Variants in DPP6 observed in about 807,000 individuals in gnomAD.
DPP6 encodes dipeptidyl peptidase like 6, also known as A-type potassium channel modulatory protein DPP6.
DPP6 carries 69 observed loss-of-function variants against 122.6 expected under a neutral mutation model. The observed-to-expected ratio is 0.56, with a 90% CI of 0.46 to 0.69. The LOEUF (loss-of-function observed/expected upper bound fraction) is 0.69. Among genes scored for constraint, DPP6 ranks in the 30% least tolerant of loss-of-function variants. The probability of loss-of-function intolerance (pLI) is 0.00; values close to 1 mark genes in which losing one functional copy is unlikely to be tolerated. For missense variants in DPP6, 928 were observed against 1,116.9 expected (o/e 0.83, Z 2.41); for synonymous variants, 418 against 433.1 (o/e 0.97, Z 0.43).
intron 1 of DPP6, among the ~76,000 whole-genome samples, chr7:154,022,534 GC>G (rs1238111441): frequency 2.0e-5 from 3 of 152,232 alleles, no homozygotes; most frequent in African/African-American, 7.2e-5. Context: ...TTTAGGCAAT[GC>G]CTAATATGTG....
intron 5 of DPP6, among the ~76,000 whole-genome samples, chr7:154,577,647 T>C (rs1394949988): frequency 6.6e-6 from 1 of 152,048 alleles, no homozygotes; most frequent in Non-Finnish European, 1.5e-5. Context: ...GAAATGTAAA[T>C]GAAGAGAGAG....
chr7:153,941,084 G>A (rs983456259), intron 1 of DPP6, among the ~76,000 whole-genome samples: 5 of 152,188 alleles, frequency 3.3e-5, no homozygotes, highest in African/African-American at 1.2e-4. Flanking sequence ...AAAGTGAGGC[G>A]TTGTCCCTAA....
rs949151314 is a variant in DPP6, at chr7:154,000,947, G to A, written c.51+113213G>A. ...GCCCAGACCCAGAGATCCACCCTAA[G>A]GGCGAGGATAAGGAGACAGAGGACA... On this transcript the variant is annotated intron_variant, in intron 1 of 25. Transcript: ENST00000404039. Among the ~76,000 whole-genome samples, 13 of 152,284 alleles carry A rather than the reference G, an allele frequency of 8.5e-5. No individual in the cohort carries two copies. The South Asian group carries it at 1.0e-3, about 12-fold the overall frequency.
chr7:154,574,516 TG>T (rs1831359636), intron 5 of DPP6, among the ~76,000 whole-genome samples: 1 of 132,802 alleles, frequency 7.5e-6, no homozygotes, highest in African/African-American at 2.8e-5. Context: ...ATGTGTGGTG[TG>T]GTGTATATGT....
intron 7 of DPP6, among the ~76,000 whole-genome samples, chr7:154,700,165 G>A (rs762503751): frequency 1.1e-3 from 166 of 152,190 alleles, no homozygotes; most frequent in Non-Finnish European, 4.0e-4. Context: ...TCAATGCATG[G>A]CACCATTACG....
At chr7:153,886,819 C>G (rs1309931253), upstream of DPP6, among the ~76,000 whole-genome samples, 1 of 152,200 alleles carries the variant, frequency 6.6e-6, no homozygotes, top group Non-Finnish European at 1.5e-5. Context: ...TTGCGGGCGA[C>G]GGGCACAGCC....
chr7:154,191,650 T>C (rs1397377509), intron 1 of DPP6, among the ~76,000 whole-genome samples: 1 of 152,224 alleles, frequency 6.6e-6, no homozygotes, highest in Non-Finnish European at 1.5e-5. Flanking sequence ...TTATGTTCAA[T>C]AAATACCTAC....
intron 3 of DPP6, among the ~76,000 whole-genome samples, chr7:154,488,769 C>A (rs1824017875): frequency 6.6e-6 from 1 of 152,114 alleles, no homozygotes; most frequent in South Asian, 2.1e-4. Flanking sequence ...AAGCTATGTC[C>A]TATGGAAGGT....
At chr7:154,720,365 G>T (rs1388120216) in intron 7 of DPP6, among the ~76,000 whole-genome samples, 1 of 152,182 alleles carries the variant, frequency 6.6e-6, no homozygotes, top group Admixed American at 6.5e-5. Context: ...ACTAGTGGGG[G>T]CTGGATAGTC....
intron 1 of DPP6, among the ~76,000 whole-genome samples, chr7:154,247,336 T>A (rs904320239): frequency 4.6e-5 from 7 of 152,116 alleles, no homozygotes; most frequent in African/African-American, 1.7e-4. Context: ...AATCGTCAAG[T>A]AACATATTAG....
chr7:153,784,926 C>T, the DPP6 span, among the ~76,000 whole-genome samples: 2 of 152,074 alleles, frequency 1.3e-5, no homozygotes, highest in Non-Finnish European at 2.9e-5. Flanking sequence ...GCAAAATAAC[C>T]TCTTTTGTAG....
intron 1 of DPP6, among the ~76,000 whole-genome samples, chr7:153,944,995 C>T (rs970859650): frequency 6.6e-6 from 1 of 152,096 alleles, no homozygotes; most frequent in Non-Finnish European, 1.5e-5. Context: ...CTGGGAGCAC[C>T]GCTGTGCTTT....
intron 1 of DPP6, among the ~76,000 whole-genome samples, chr7:154,009,803 G>T (rs1798077705): frequency 6.6e-6 from 1 of 150,642 alleles, no homozygotes; most frequent in Non-Finnish European, 1.5e-5. Context: ...ATGAAAAGAT[G>T]TAAGGATGTA....
At chr7:154,024,495 A>G (rs1798879084) in intron 1 of DPP6, among the ~76,000 whole-genome samples, 1 of 152,008 alleles carries the variant, frequency 6.6e-6, no homozygotes, top group African/African-American at 2.4e-5. Flanking sequence ...ATGTAGGAAA[A>G]CCAAGCTAAC....
At chr7:154,829,989 C>T (rs553136494) in intron 16 of DPP6, among the ~76,000 whole-genome samples, 12 of 152,298 alleles carry the variant, frequency 7.9e-5, no homozygotes, top group East Asian at 5.8e-4. Flanking sequence ...GTGCTCTTGC[C>T]GCTGCCGTTC....
chr7:154,633,059 A>G (rs2130905518), intron 5 of DPP6, among the ~76,000 whole-genome samples: 1 of 152,304 alleles, frequency 6.6e-6, no homozygotes, highest in South Asian at 2.1e-4. Flanking sequence ...TTCATTTTCC[A>G]GGAGAGATAT....
intron 1 of DPP6, among the ~76,000 whole-genome samples, chr7:154,011,181 C>T (rs1375892713): frequency 6.6e-6 from 1 of 152,252 alleles, no homozygotes; most frequent in Non-Finnish European, 1.5e-5. Context: ...ACTCCCTTAA[C>T]CCAGCTCTGT....
intron 1 of DPP6, among the ~76,000 whole-genome samples, chr7:153,974,914 T>G (rs1796215738): frequency 6.6e-6 from 1 of 152,198 alleles, no homozygotes; most frequent in African/African-American, 2.4e-5. Flanking sequence ...TCTGGAGTGT[T>G]TTTCTGGCTG....
At chr7:153,793,163 G>A in the DPP6 span, among the ~76,000 whole-genome samples, 1 of 152,276 alleles carries the variant, frequency 6.6e-6, no homozygotes, top group Non-Finnish European at 1.5e-5. Flanking sequence ...AACTGGGTAA[G>A]AGGCAGAGGT....
Sources: gnomAD v4.1 joint callset for allele counts (sites outside exome capture counted in the v4.1 genomes callset) on GRCh38, gnomAD v4.1.1 for gene constraint, MANE v1.5 for transcripts, NCBI Gene and HGNC (gene_info 2026-07-23, HGNC 2026-07-21) for gene names.